Variants in SYNE1 observed in about 807,000 individuals in gnomAD.
SYNE1 encodes nesprin-1.
In SYNE1, 616 loss-of-function variants were observed where a neutral mutation model predicts 1,111.0. That is an observed-to-expected ratio of 0.55 (90% CI 0.52 to 0.59). The LOEUF is 0.59. SYNE1 is among the 20% of genes least tolerant of loss of function. SYNE1 has a pLI of 0.00. For missense variants in SYNE1, 10,006 were observed against 10,417.0 expected (o/e 0.96, Z 1.72); for synonymous variants, 3,855 against 3,825.8 (o/e 1.01, Z -0.28).
Position 152,387,465 on chromosome 6 carries a change from C to T in SYNE1, c.8178-84G>A, listed in dbSNP as rs564612923. ...CAATCACAAAGTCGTGACATCCATG[C>T]CAATTGTTTTATTGAATGCTACTGG... On this transcript the variant is annotated intron_variant, in intron 53 of 145. Transcript: ENST00000367255. The T allele has an allele frequency of 3.5e-6, 5 of 1,409,374 alleles. No homozygotes were observed. In the African/African-American group the frequency reaches 5.6e-5, roughly 16 times the overall value. 87.3% of individuals were successfully genotyped at this position (1,409,374 alleles called of 1,614,324 possible).
chr6:152,284,635 TTTA>T (rs1437408031), intron 95 of SYNE1, among the ~76,000 whole-genome samples: 8 of 147,524 alleles, frequency 5.4e-5, no homozygotes, highest in African/African-American at 1.8e-4. Flanking sequence ...TTTTTTTTTT[TTTA>T]CTTTTTGTAA....
intron 101 of SYNE1, among the ~76,000 whole-genome samples, chr6:152,260,071 T>C (rs1033636662): frequency 6.6e-6 from 1 of 152,138 alleles, no homozygotes; most frequent in East Asian, 1.9e-4. Context: ...AAGCGGGTAA[T>C]GGATGAGACC....
intron 104 of SYNE1, among the ~76,000 whole-genome samples, chr6:152,254,519 G>A (rs2090360907): frequency 6.6e-6 from 1 of 151,894 alleles, no homozygotes; most frequent in Non-Finnish European, 1.5e-5. Flanking sequence ...CAAAGTGCTG[G>A]GATCACAGGC....
chr6:152,410,509 C>A (rs6915158), intron 42 of SYNE1: 3,479 of 152,182 alleles, frequency 0.023, 51 homozygotes, highest in Non-Finnish European at 0.035. Context: ...TCAAGGCAGG[C>A]TGATCACTTG....
intron 98 of SYNE1, chr6:152,277,855 C>T (rs1020152952): frequency 5.3e-6 from 3 of 570,784 alleles, no homozygotes; most frequent in Non-Finnish European, 9.5e-6. Flanking sequence ...TGCTTTTTGC[C>T]TCCACCACTC....
At chr6:152,164,980 T>A (rs1233104347) in intron 130 of SYNE1, among the ~76,000 whole-genome samples, 1 of 152,210 alleles carries the variant, frequency 6.6e-6, no homozygotes, top group Non-Finnish European at 1.5e-5. Context: ...CTTGTAAGAC[T>A]CTAGGTTTGT....
intron 108 of SYNE1, among the ~76,000 whole-genome samples, 196 bp downstream of exon 108, chr6:152,239,337 A>G (rs1361017032): frequency 6.6e-6 from 1 of 152,190 alleles, no homozygotes; most frequent in East Asian, 1.9e-4. Context: ...GGCACAGCAG[A>G]TAGCCCAATG....
chr6:152,164,221 G>T lies in SYNE1; in HGVS notation c.23732C>A (p.Pro7911Gln). 1 of 1,614,124 alleles carries T rather than the reference G, an allele frequency of 6.2e-7. No homozygotes were observed. The highest frequency in any genetic ancestry group is 8.5e-7 in the Non-Finnish European group (1 of 1,180,030). ...LAHIESELAKPIVYDSCNSEE... is the reference protein window; with the variant it reads ...LAHIESELAKQIVYDSCNSEE... Reference sequence around the variant, plus strand: ...CGAGTTACAGGAATCGTAGACTATTGGCTTGGCCAGCTCTGACTCGATGTG... The same window carrying T: ...CGAGTTACAGGAATCGTAGACTATTTGCTTGGCCAGCTCTGACTCGATGTG... Residue 7911 changes from proline (P) to glutamine (Q), a missense_variant, in exon 131 of 146, where the codon CCA (proline) becomes CAA (glutamine). Physicochemically the swap from Pro to Gln is moderately conservative, Grantham distance 76. Transcript: ENST00000367255.
At chr6:152,320,642 T>G (rs1228489409) in intron 84 of SYNE1, among the ~76,000 whole-genome samples, 1 of 152,198 alleles carries the variant, frequency 6.6e-6, no homozygotes, top group Admixed American at 6.5e-5. Flanking sequence ...AAAAGGACTA[T>G]GCATTTCTTC....
rs267600867 is a variant in SYNE1 at position 152,472,344 on chromosome 6, C to T, written c.1420G>A (p.Gly474Arg). ...AATTGATCAGGTGGCACTGGAATCC[C>T]GTTAACAGACCTGGTCCGGTAGATT... ...HEIYRTRSVNGIPVPPDQLED... is the reference protein window; with the variant it reads ...HEIYRTRSVNRIPVPPDQLED... The change falls in exon 15 of 146, where the codon GGG (glycine) becomes AGG (arginine). Residue 474 changes from glycine to arginine, a missense_variant. By Grantham distance (125) the Gly-to-Arg change is moderately radical (BLOSUM62 -2). Transcript: ENST00000367255. 2 of 1,613,978 alleles carry T rather than the reference C, an allele frequency of 1.2e-6. No individual in the cohort carries two copies. Among genetic ancestry groups the T allele is most frequent in the Non-Finnish European group, 1.7e-6 (2 of 1,179,960 alleles).
intron 53 of SYNE1, 149 bp from the exon 54 acceptor site, chr6:152,387,530 C>T: frequency 1.3e-6 from 1 of 748,182 alleles, no homozygotes; most frequent in Non-Finnish European, 2.2e-6. Flanking sequence ...GGGAGAAACA[C>T]TACTTCTCTG....
rs144244988 is a variant in SYNE1 at position 152,301,879 on chromosome 6, G to C, written c.17531C>G (p.Ser5844Cys). 1.5e-5 allele frequency: 24 copies of C among 1,613,188 alleles called. No individual in the cohort carries two copies. The African/African-American group carries it at 2.8e-4, about 19-fold the overall frequency. ...CCACTGGATCCTTACCATGACCACA[G>C]AGGGGTGGGCCGAAGGCGTGGGGAG... is the stretch of plus-strand genomic sequence containing the variant. ...ELLPTPSAHP[S>C]VVMMTAGRCH... The change falls in exon 92 of 146, where the codon TCT becomes TGT. Residue 5844 changes from serine to cysteine, a missense_variant. This residue lies in a region of SYNE1 where 4,955 missense variants were observed against 5,017.2 expected (regional missense o/e 0.99). Transcript: ENST00000367255.
intron 56 of SYNE1, among the ~76,000 whole-genome samples, chr6:152,379,604 A>C (rs1445770053): frequency 6.6e-6 from 1 of 152,170 alleles, no homozygotes; most frequent in Admixed American, 6.5e-5. Flanking sequence ...CCACTTTTAG[A>C]TAAAATGCCA....
chr6:152,439,819 G>A (rs2098511977), intron 32 of SYNE1, among the ~76,000 whole-genome samples: 1 of 152,134 alleles, frequency 6.6e-6, no homozygotes, highest in East Asian at 1.9e-4. Context: ...ACCCCAAAGA[G>A]GCACCACAGG....
chr6:152,350,484 C>T lies in SYNE1; in HGVS notation c.11733+134G>A. The stretch of plus-strand genomic sequence containing the variant: ...ATGGAAAACAACATAGTCATTATGC[C>T]AATTAAATATCCATCTGAATAAAAA... On this transcript the variant is annotated intron_variant, in intron 71 of 145. Coordinates refer to ENST00000367255, the MANE Select transcript of SYNE1 (RefSeq NM_182961.4). The T allele has an allele frequency of 2.7e-6, 4 of 1,455,884 alleles. No homozygotes were observed. The South Asian group carries it at 4.7e-5, about 17-fold the overall frequency. The allele number at this position is 1,455,884 out of a possible 1,614,324, so 90.2% of individuals were successfully genotyped here.
chr6:152,153,830 G>C (rs2060871797), intron 133 of SYNE1, among the ~76,000 whole-genome samples: 1 of 152,158 alleles, frequency 6.6e-6, no homozygotes, highest in South Asian at 2.1e-4. Flanking sequence ...CCATTTCAAA[G>C]TATTTGAACA....
rs371945248 is a variant in SYNE1 at position 152,155,172 on chromosome 6, C to T, written c.23979-130G>A. 7.3e-6 allele frequency: 8 copies of T among 1,102,338 alleles called. No individual in the cohort carries two copies. In the East Asian group the frequency reaches 1.5e-4, roughly 20 times the overall value. The allele number at this position is 1,102,338 out of a possible 1,614,324, so 68.3% of individuals were successfully genotyped here. A position where few individuals can be genotyped will look rare whatever the true frequency, so the allele number is the denominator to read the frequency against. Reference sequence around the variant, plus strand: ...CTGTTGTGCCAAACGATAACCATTCCTCGAGCCAAATTTGACCAGAGAGCA... The same window carrying T: ...CTGTTGTGCCAAACGATAACCATTCTTCGAGCCAAATTTGACCAGAGAGCA... On this transcript the variant is annotated intron_variant, in intron 132 of 145. Coordinates refer to ENST00000367255, the MANE Select transcript of SYNE1 (RefSeq NM_182961.4).
chr6:152,134,972 G>A (rs1312118561), intron 142 of SYNE1, 132 bp downstream of exon 142: 9 of 1,228,084 alleles, frequency 7.3e-6, no homozygotes, highest in Non-Finnish European at 1.0e-5. Context: ...AGTTAAAAAA[G>A]TGTAAAGTAG....
rs905871120 is a variant in SYNE1 at position 152,313,105 on chromosome 6, T to C, written c.16711-2232A>G. On this transcript the variant is annotated intron_variant, in intron 87 of 145. Coordinates refer to ENST00000367255, the MANE Select transcript of SYNE1 (RefSeq NM_182961.4). ...AAAGCAAAAAATCACGGCGGAGATA[T>C]GCTCTGCAAGGGCCTGTGACAAAAG... Among the ~76,000 whole-genome samples the C allele has an allele frequency of 8.5e-5, 13 of 152,352 alleles. No individual in the cohort carries two copies. In the East Asian group the frequency reaches 1.3e-3, roughly 16 times the overall value.
Sources: gnomAD v4.1 joint callset for allele counts (sites outside exome capture counted in the v4.1 genomes callset) on GRCh38, gnomAD v4.1.1 for gene constraint, gnomAD v4.1.1 regional missense constraint, MANE v1.5 for transcripts, NCBI Gene and HGNC (gene_info 2026-07-23, HGNC 2026-07-21) for gene names.